Variants in GALNT13 observed in about 807,000 individuals in gnomAD.
GALNT13 encodes the protein UDP-GalNAc:polypeptide N-acetylgalactosaminyltransferase 13.
In GALNT13, 28 loss-of-function variants were observed where a neutral mutation model predicts 64.2. The ratio of observed to expected loss-of-function variants is 0.44; its 90% CI spans 0.32 to 0.60. The LOEUF is 0.60. Ranked by LOEUF, GALNT13 falls within the 20% of genes least tolerant of loss-of-function variation. GALNT13 has a pLI of 0.05. For synonymous variants in GALNT13, 214 were observed against 224.6 expected, an observed-to-expected ratio of 0.95 and a Z score of 0.42; for missense variants, 577 against 669.8, an observed-to-expected ratio of 0.86 and a Z score of 1.53.
chr2:153,353,234 T>C, the GALNT13 span, among the ~76,000 whole-genome samples: 1 of 152,096 alleles, frequency 6.6e-6, no homozygotes, highest in Non-Finnish European at 1.5e-5. Context: ...AAATGTTTTT[T>C]TATTTCAAAT....
chr2:153,996,786 T>C (rs1240731001), intron 3 of GALNT13, among the ~76,000 whole-genome samples: 2 of 152,158 alleles, frequency 1.3e-5, no homozygotes, highest in African/African-American at 4.8e-5. Context: ...TTTTTTGTAA[T>C]AGTTTTGTAG....
chr2:154,208,624 CTGTGTGTGTGTGTGTGTGTGTGTG>C lies in GALNT13; in HGVS notation c.312-33384_312-33361del, dbSNP rs57789546. Among the ~76,000 whole-genome samples the C allele has an allele frequency of 1.9e-4, 27 of 140,458 alleles. No homozygotes were observed. The South Asian group carries it at 6.0e-3, about 31-fold the overall frequency. The allele number at this position is 140,458 out of a possible 152,430, so 92.1% of individuals were successfully genotyped here. A position where few individuals can be genotyped will look rare whatever the true frequency, so the allele number is the denominator to read the frequency against. On this transcript the variant is annotated intron_variant, in intron 4 of 12. Coordinates refer to ENST00000392825, the MANE Select transcript of GALNT13 (RefSeq NM_052917.4). Reference sequence around the variant, plus strand: ...CTTATTTTAATCACGTTTTGCGTGTCTGTGTGTGTGTGTGTGTGTGTGTGTGTGTGTGTGTGTGTGTGTGTAGCT... The same window carrying C: ...CTTATTTTAATCACGTTTTGCGTGTCTGTGTGTGTGTGTGTGTGTGTAGCT...
intron 3 of GALNT13, among the ~76,000 whole-genome samples, chr2:154,015,607 A>G (rs1051758786): frequency 1.3e-5 from 2 of 152,166 alleles, no homozygotes; most frequent in African/African-American, 4.8e-5. Context: ...TTTTCTGTCC[A>G]CTTGAAAATT....
At chr2:154,385,291 G>A (rs1038356145) in intron 9 of GALNT13, among the ~76,000 whole-genome samples, 1 of 151,900 alleles carries the variant, frequency 6.6e-6, no homozygotes, top group African/African-American at 2.4e-5. Context: ...CATTATATAT[G>A]AATTCAAGTT....
At chr2:153,729,708 T>A in the GALNT13 span, among the ~76,000 whole-genome samples, 1 of 152,074 alleles carries the variant, frequency 6.6e-6, no homozygotes, top group Non-Finnish European at 1.5e-5. Context: ...TCTGCTGACA[T>A]GATCTTATAC....
At chr2:154,378,773 G>GTA in intron 9 of GALNT13, among the ~76,000 whole-genome samples, 1 of 151,872 alleles carries the variant, frequency 6.6e-6, no homozygotes, top group East Asian at 1.9e-4. Flanking sequence ...AACATATATA[G>GTA]TATTAAAACA....
chr2:153,885,369 T>C (rs1687100670), intron 1 of GALNT13, among the ~76,000 whole-genome samples: 2 of 152,106 alleles, frequency 1.3e-5, no homozygotes, highest in Non-Finnish European at 2.9e-5. Context: ...CATACATCTT[T>C]AGTTTTATGA....
the GALNT13 span, among the ~76,000 whole-genome samples, chr2:153,163,485 C>T: frequency 6.6e-6 from 1 of 152,128 alleles, no homozygotes; most frequent in African/African-American, 2.4e-5. Flanking sequence ...CAACAAATGG[C>T]TTTTTAACAT....
chr2:153,870,668 C>A (rs147600190), upstream of GALNT13, among the ~76,000 whole-genome samples: 545 of 151,020 alleles, frequency 3.6e-3, 5 homozygotes, highest in African/African-American at 0.013. Context: ...ACTTGACTCA[C>A]GAAAAGATAT....
chr2:154,099,845 C>G (rs775058579), intron 3 of GALNT13, among the ~76,000 whole-genome samples: 26 of 152,174 alleles, frequency 1.7e-4, no homozygotes, highest in Middle Eastern at 3.4e-3. Context: ...GGAGCTGAGA[C>G]TAGAGAATCA....
the GALNT13 span, among the ~76,000 whole-genome samples, chr2:153,436,335 G>A: frequency 1.3e-5 from 2 of 152,162 alleles, no homozygotes; most frequent in Non-Finnish European, 2.9e-5. Context: ...GGATGATGCT[G>A]GCCTCATAAA....
At chr2:154,023,535 TC>T (rs1349412452) in intron 3 of GALNT13, among the ~76,000 whole-genome samples, 1 of 152,206 alleles carries the variant, frequency 6.6e-6, no homozygotes. Context: ...TTTTTTGTTT[TC>T]CATTTGCTTG....
chr2:153,531,657 A>G, the GALNT13 span, among the ~76,000 whole-genome samples: 5 of 151,996 alleles, frequency 3.3e-5, no homozygotes, highest in East Asian at 9.7e-4. Flanking sequence ...CCAAAATCTC[A>G]TCTGAGATAA....
At chr2:153,398,476 T>C in the GALNT13 span, among the ~76,000 whole-genome samples, 4 of 151,872 alleles carry the variant, frequency 2.6e-5, no homozygotes, top group African/African-American at 9.7e-5. Flanking sequence ...TTTCCTGTTC[T>C]AGATCCCTGA....
At chr2:153,599,773 G>C in the GALNT13 span, among the ~76,000 whole-genome samples, 1 of 151,866 alleles carries the variant, frequency 6.6e-6, no homozygotes, top group African/African-American at 2.4e-5. Flanking sequence ...GTTGTTTTTA[G>C]TTCCTAGACT....
intron 4 of GALNT13, among the ~76,000 whole-genome samples, chr2:154,164,343 C>A (rs566557456): frequency 2.0e-5 from 3 of 152,042 alleles, no homozygotes; most frequent in Non-Finnish European, 4.4e-5. Flanking sequence ...ATCCATAGAT[C>A]ATCTATAGCA....
At chr2:154,417,400 C>G (rs1700058599) in intron 11 of GALNT13, among the ~76,000 whole-genome samples, 1 of 151,486 alleles carries the variant, frequency 6.6e-6, no homozygotes, top group African/African-American at 2.4e-5. Context: ...TGGACCCTGA[C>G]CAGACTTGTA....
At chr2:154,297,051 C>G (rs1029024667) in intron 8 of GALNT13, among the ~76,000 whole-genome samples, 2 of 152,172 alleles carry the variant, frequency 1.3e-5, no homozygotes, top group Admixed American at 1.3e-4. Flanking sequence ...TAGAATGTGG[C>G]AGAAGGCCAG....
the GALNT13 span, among the ~76,000 whole-genome samples, chr2:153,585,496 A>G: frequency 2.6e-5 from 4 of 152,242 alleles, no homozygotes. Flanking sequence ...TAAAAGGTTT[A>G]GAAAACCTAT....
Sources: gnomAD v4.1 joint callset for allele counts (sites outside exome capture counted in the v4.1 genomes callset) on GRCh38, gnomAD v4.1.1 for gene constraint, MANE v1.5 for transcripts, NCBI Gene and HGNC (gene_info 2026-07-23, HGNC 2026-07-21) for gene names.